MAGT1: variants seen among roughly 807,000 people sequenced by gnomAD.
MAGT1 encodes the protein magnesium transporter 1.
Under a neutral mutation model 28.4 loss-of-function variants are expected in MAGT1, and 4 were observed. The ratio of observed to expected loss-of-function variants is 0.14; its 90% confidence interval spans 0.07 to 0.32. The LOEUF (loss-of-function observed/expected upper bound fraction) is 0.32. Ranked by LOEUF, MAGT1 falls within the 10% of genes least tolerant of loss-of-function variation. The pLI is 1.00. For synonymous variants in MAGT1, 89 were observed against 89.7 expected, an observed-to-expected ratio of 0.99 and a Z score of 0.04; for missense variants, 193 against 264.5, an observed-to-expected ratio of 0.73 and a Z score of 1.88.
chrX:77,836,902 A>T (rs1350056468), intron 8 of MAGT1, among the ~76,000 whole-genome samples: 4 of 111,136 alleles, frequency 3.6e-5, no homozygotes, highest in African/African-American at 1.3e-4. Flanking sequence ...TCTCAGATTT[A>T]AAAAAAAGAA....
At chrX:77,831,507 TCCTTTA>T (rs2076898541) in intron 8 of MAGT1, among the ~76,000 whole-genome samples, 2 of 111,590 alleles carry the variant, frequency 1.8e-5, no homozygotes, top group Non-Finnish European at 3.8e-5. Flanking sequence ...AATAATGAAT[TCCTTTA>T]AAGTCATCAC....
intron 7 of MAGT1, among the ~76,000 whole-genome samples, chrX:77,845,203 CTTCT>C (rs782766994): frequency 2.4e-4 from 27 of 111,451 alleles, no homozygotes; most frequent in Non-Finnish European, 1.7e-4. Context: ...ATATAATGGC[CTTCT>C]TTGTCTCTTT....
rs1487385583 is a variant in MAGT1, at chrX:77,883,067, TATA to T, written c.103-7473_103-7471del. Among the ~76,000 whole-genome samples, 362 of 99,428 alleles carry T rather than the reference TATA, an allele frequency of 3.6e-3. 1 individual carries two copies. Among genetic ancestry groups the T allele is most frequent in the African/African-American group, 0.012 (339 of 28,194 alleles). The allele number at this position is 99,428 out of a possible 115,157, so 86.3% of individuals were successfully genotyped here. A position where few individuals can be genotyped will look rare whatever the true frequency, so the allele number is the denominator to read the frequency against. Reference sequence around the variant, plus strand: ...AATTTATATTATATTAATATAATAATATAATATAATTATAATATGTATTATATT... The same window carrying T: ...AATTTATATTATATTAATATAATAATATATAATTATAATATGTATTATATT... On this transcript the variant is annotated intron_variant, in intron 1 of 9. Transcript: ENST00000618282.
At chrX:77,845,624 G>C (rs1329158438) in intron 7 of MAGT1, among the ~76,000 whole-genome samples, 1 of 111,538 alleles carries the variant, frequency 9.0e-6, no homozygotes, top group Non-Finnish European at 1.9e-5. Flanking sequence ...CTCTTGTCGG[G>C]CAGGCCTGGT....
At chrX:77,876,159 TATATA>T (rs1414153512) in intron 1 of MAGT1, among the ~76,000 whole-genome samples, 8 of 31,093 alleles carry the variant, frequency 2.6e-4, no homozygotes, top group African/African-American at 7.5e-4. Context: ...TATATATATA[TATATA>T]TTTTTTTTTT....
intron 3 of MAGT1, among the ~76,000 whole-genome samples, chrX:77,868,808 G>A (rs529453696): frequency 2.7e-5 from 3 of 111,826 alleles, no homozygotes; most frequent in African/African-American, 6.5e-5. Context: ...GCAACAGAGC[G>A]GGACTCTTGT....
chrX:77,886,901 G>C (rs1478231443), intron 1 of MAGT1, among the ~76,000 whole-genome samples: 1 of 111,600 alleles, frequency 9.0e-6, no homozygotes, highest in African/African-American at 3.3e-5. Flanking sequence ...ACCAAATGAT[G>C]AATAACAGGA....
In MAGT1 at chrX:77,842,512, T is replaced by C. The variant is rs782738607; in HGVS notation, c.827-1192A>G. On this transcript the variant is annotated intron_variant, in intron 7 of 9. Transcript: ENST00000618282. ...CACAAATTACTACTAACCTATCTAA[T>C]TTTATCCTATTCTAATAAAAAAGAA... Among the ~76,000 whole-genome samples the C allele has an allele frequency of 5.4e-5, 6 of 112,080 alleles. No homozygotes were observed. In the South Asian group the frequency reaches 2.2e-3, roughly 41 times the overall value.
chrX:77,878,502 A>G (rs2077042480), intron 1 of MAGT1, among the ~76,000 whole-genome samples: 2 of 104,271 alleles, frequency 1.9e-5, no homozygotes, highest in Non-Finnish European at 3.9e-5. Flanking sequence ...AAGAAAAAAA[A>G]AAAAGCCAGG....
intron 7 of MAGT1, among the ~76,000 whole-genome samples, chrX:77,851,396 C>CA (rs782421071): frequency 6.3e-4 from 65 of 103,636 alleles, no homozygotes; most frequent in African/African-American, 2.2e-3. Flanking sequence ...TTTTTTGAGA[C>CA]AGAGTCTCAC....
chrX:77,850,413 T>A (rs893327817), intron 7 of MAGT1, among the ~76,000 whole-genome samples: 4 of 90,760 alleles, frequency 4.4e-5, no homozygotes, highest in Non-Finnish European at 2.1e-5. Context: ...GAGGTGGAGG[T>A]TGCAGTGAAC....
chrX:77,832,406 G>GA (rs200980846), intron 8 of MAGT1, among the ~76,000 whole-genome samples: 5,891 of 99,554 alleles, frequency 0.059, 199 homozygotes, highest in African/African-American at 0.12. Flanking sequence ...CTGATAAGCT[G>GA]AAAAAAAAAA....
At chrX:77,845,691 T>G (rs1455557593) in intron 7 of MAGT1, among the ~76,000 whole-genome samples, 3 of 111,560 alleles carry the variant, frequency 2.7e-5, no homozygotes, top group African/African-American at 9.8e-5. Flanking sequence ...TCTCCTTAAC[T>G]TATGAAGCTT....
At chrX:77,845,397 T>C (rs1412137974) in intron 7 of MAGT1, among the ~76,000 whole-genome samples, 2 of 111,709 alleles carry the variant, frequency 1.8e-5, no homozygotes, top group Non-Finnish European at 3.8e-5. Flanking sequence ...TTTATCCAAT[T>C]TGCCAGTCTG....
At chrX:77,873,049 T>C (rs1304308499) in intron 2 of MAGT1, among the ~76,000 whole-genome samples, 1 of 112,428 alleles carries the variant, frequency 8.9e-6, no homozygotes, top group Non-Finnish European at 1.9e-5. Flanking sequence ...ATGAAGGAGT[T>C]TGTGTTTGTT....
At chrX:77,891,970 CAG>C (rs1244654423) in intron 1 of MAGT1, among the ~76,000 whole-genome samples, 4 of 107,807 alleles carry the variant, frequency 3.7e-5, no homozygotes, top group African/African-American at 1.4e-4. Flanking sequence ...TTTTTTGAGA[CAG>C]AGTCTCGCTC....
intron 8 of MAGT1, among the ~76,000 whole-genome samples, chrX:77,839,078 C>T (rs1222651403): frequency 2.8e-5 from 3 of 108,859 alleles, no homozygotes; most frequent in African/African-American, 6.7e-5. Flanking sequence ...CCGAGGCGGG[C>T]GGATCACGAC....
Position 77,863,965 on chromosome X carries a change from C to T in MAGT1, c.391-6468G>A, listed in dbSNP as rs979708434. Among the ~76,000 whole-genome samples, 32 of 110,728 alleles carry T rather than the reference C, an allele frequency of 2.9e-4. 1 individual carries two copies. Among genetic ancestry groups the T allele is most frequent in the African/African-American group, 1.0e-3 (31 of 30,451 alleles). On this transcript the variant is annotated intron_variant, in intron 3 of 9. Transcript: ENST00000618282. ...CTTGAACCTGGGAGGTTGCAGTAAGCCAAGATTGTGCCACTGCACTCTAGC... is the reference window on the plus strand; with the variant it reads ...CTTGAACCTGGGAGGTTGCAGTAAGTCAAGATTGTGCCACTGCACTCTAGC...
intron 1 of MAGT1, among the ~76,000 whole-genome samples, chrX:77,876,164 A>ATATATATAT (rs1557217807): frequency 8.0e-5 from 2 of 24,969 alleles, no homozygotes; most frequent in African/African-American, 2.9e-4. Context: ...ATATATATAT[A>ATATATATAT]TTTTTTTTTT....
Sources: allele counts gnomAD v4.1 joint callset (sites outside exome capture counted in the v4.1 genomes callset), GRCh38; gene constraint gnomAD v4.1.1; transcripts MANE v1.5; gene names NCBI Gene and HGNC (gene_info 2026-07-23, HGNC 2026-07-21).